Variants in THSD1 observed in about 807,000 individuals in gnomAD.
THSD1 encodes the protein thrombospondin type-1 domain-containing protein 1.
A neutral mutation model predicts 46.3 loss-of-function variants in THSD1; 34 were observed. That is an observed-to-expected ratio of 0.74 (90% confidence interval 0.56 to 0.98). The LOEUF (loss-of-function observed/expected upper bound fraction) is 0.98. Ranked by LOEUF, THSD1 falls within the 50% of genes least tolerant of loss-of-function variation. THSD1 has a pLI of 0.00. For missense variants in THSD1, 1,023 were observed against 1,058.3 expected (o/e 0.97, Z 0.46); for synonymous variants, 407 against 416.5 (o/e 0.98, Z 0.28).
intron 3 of THSD1, among the ~76,000 whole-genome samples, chr13:52,390,741 A>G (rs544261874): frequency 2.2e-4 from 33 of 152,324 alleles, no homozygotes; most frequent in African/African-American, 7.2e-4. Flanking sequence ...AAGTCAATAT[A>G]TAGTTTATCC....
chr13:52,387,295 A>G lies in THSD1; in HGVS notation c.1022-1109T>C, dbSNP rs185183668. 7.0e-3 allele frequency among the ~76,000 whole-genome samples: 1,069 copies of G among 152,338 alleles called. 5 individuals carry two copies. Among genetic ancestry groups the G allele is most frequent in the Non-Finnish European group, 0.011 (743 of 68,020 alleles). On this transcript the variant is annotated intron_variant, in intron 3 of 4. Transcript: ENST00000258613. ...CCATAACAATGGTAAAAACCCAAAC[A>G]TAGCTCAATTCTTTACTATATTAAC...
Position 52,378,183 on chromosome 13 carries a change from G to T in THSD1, c.1787C>A (p.Ala596Glu), listed in dbSNP as rs143493268. The change falls in exon 5 of 5, where the codon GCG becomes GAG. Residue 596 changes from alanine (A) to glutamate (E), a missense_variant. Transcript: ENST00000258613. ...RIKSPFPEQP[A>E]VSAGERPPSR... ...GGGAGGCCTTTCCCCGGCACTGACC[G>T]CGGGCTGCTCCGGAAATGGGGATTT... 4.3e-6 allele frequency: 7 copies of T among 1,614,078 alleles called. No individual in the cohort carries two copies. Among genetic ancestry groups the T allele is most frequent in the Middle Eastern group, 1.6e-4 (1 of 6,084 alleles).
In THSD1 at chr13:52,397,798, C is replaced by G; in HGVS notation, c.455G>C (p.Ser152Thr). ...EGTFQVGLFT[S>T]QPLCPFPVDK... ...CACAGGAAACGGGCACAGTGGTTGACTGGTAAATAGGCCCACTTGGAAGGT... is the reference window on the plus strand; with the variant it reads ...CACAGGAAACGGGCACAGTGGTTGAGTGGTAAATAGGCCCACTTGGAAGGT... The change falls in exon 3 of 5, where the codon AGT becomes ACT. Residue 152 changes from serine (S) to threonine (T), a missense_variant. Ser to Thr is a moderately conservative substitution (Grantham distance 58). Coordinates refer to ENST00000258613, the MANE Select transcript of THSD1 (RefSeq NM_018676.4). 1 of 1,614,236 alleles carries G rather than the reference C, an allele frequency of 6.2e-7. No homozygotes were observed. Among genetic ancestry groups the G allele is most frequent in the Non-Finnish European group, 8.5e-7 (1 of 1,180,048 alleles).
chr13:52,394,341 C>G (rs543932343), intron 3 of THSD1, among the ~76,000 whole-genome samples: 1 of 152,084 alleles, frequency 6.6e-6, no homozygotes. Context: ...GGGCCAGGCA[C>G]GGTGGCTCAT....
intron 4 of THSD1, among the ~76,000 whole-genome samples, chr13:52,385,262 T>C (rs867286282): frequency 7.9e-5 from 12 of 152,162 alleles, no homozygotes; most frequent in Non-Finnish European, 1.3e-4. Flanking sequence ...GAGCAGAGGC[T>C]GGCAAAGTAA....
chr13:52,393,298 T>C (rs1409825225), intron 3 of THSD1, among the ~76,000 whole-genome samples: 2 of 152,244 alleles, frequency 1.3e-5, no homozygotes, highest in African/African-American at 4.8e-5. Context: ...TGCAAAGTAA[T>C]CACTGTGTAA....
intron 4 of THSD1, among the ~76,000 whole-genome samples, chr13:52,383,599 TC>T (rs2137727553): frequency 6.6e-6 from 1 of 152,312 alleles, no homozygotes; most frequent in South Asian, 2.1e-4. Context: ...CTGGCTGGCT[TC>T]CTTTAAAATC....
At chr13:52,395,079 G>C (rs1041774293) in intron 3 of THSD1, among the ~76,000 whole-genome samples, 5 of 152,156 alleles carry the variant, frequency 3.3e-5, no homozygotes, top group African/African-American at 1.2e-4. Flanking sequence ...GCAGGGATGT[G>C]GGGGCAGCCT....
chr13:52,403,563 G>A (rs969840458), intron 1 of THSD1, among the ~76,000 whole-genome samples: 29 of 152,150 alleles, frequency 1.9e-4, no homozygotes, highest in African/African-American at 6.7e-4. Flanking sequence ...CTCACTGCAA[G>A]CTCCGCTTCC....
At chr13:52,385,199 A>G (rs1297166866) in intron 4 of THSD1, among the ~76,000 whole-genome samples, 1 of 152,178 alleles carries the variant, frequency 6.6e-6, no homozygotes, top group Non-Finnish European at 1.5e-5. Flanking sequence ...TGGAGAGTAC[A>G]ATGACAAGAT....
rs1566076442 is a variant in THSD1, at chr13:52,402,606, TTG to T, written c.-8_-7del. On this transcript the variant is annotated 5_prime_UTR_variant, in exon 2 of 5. Coordinates refer to ENST00000258613, the MANE Select transcript of THSD1 (RefSeq NM_018676.4). The stretch of plus-strand genomic sequence containing the variant: ...TCTTTCAACATTGGTTTCATTCTGA[TTG>T]ACAAAATCCCAGGTCTTTAGTCTCC... 1 of 1,613,996 alleles carries T rather than the reference TTG, an allele frequency of 6.2e-7. No homozygotes were observed. The highest frequency in any genetic ancestry group is 1.7e-4 in the Middle Eastern group (1 of 6,060).
chr13:52,397,848 A>T lies in THSD1; in HGVS notation c.405T>A (p.Asn135Lys). 1 of 1,614,232 alleles carries T rather than the reference A, an allele frequency of 6.2e-7. No homozygotes were observed. Among genetic ancestry groups the T allele is most frequent in the Non-Finnish European group, 8.5e-7 (1 of 1,180,042 alleles). The change falls in exon 3 of 5, where the codon AAT becomes AAA. Residue 135 changes from asparagine to lysine, a missense_variant. Around this residue, in one of 3 missense-constraint regions of THSD1, gnomAD observed 429 missense variants for 518.3 expected, o/e 0.83. Coordinates refer to ENST00000258613, the MANE Select transcript of THSD1 (RefSeq NM_018676.4). ...TGCCTTCTGCTGCCTTGGCACTCCT[A>T]TTCAAGTCAACGTGAAAGACAGGCC... ...VEWPVFHVDL[N>K]RSAKAAEGTF... is the part of the protein sequence containing the mutation.
rs75031656 is a variant in THSD1, at chr13:52,378,256, A to G, written c.1714T>C (p.Leu572=). The G allele has an allele frequency of 2.4e-3, 3,830 of 1,614,176 alleles. 95 individuals are homozygous for G. In the African/African-American group the frequency reaches 0.046, roughly 19 times the overall value. The change falls in exon 5 of 5, where the codon TTA becomes CTA. Residue 572 remains leucine, a synonymous_variant. Transcript: ENST00000258613. ...GCTTCTTCCGGGCTTTCCAAATCTA[A>G]GGGAGCGCTGGGGGCCGCATCAATG... The part of the protein sequence containing the change: ...TAIDAAPSAP[L]DLESPEEAAA...
chr13:52,395,875 C>T (rs1169560395), intron 3 of THSD1, among the ~76,000 whole-genome samples: 4 of 152,284 alleles, frequency 2.6e-5, no homozygotes, highest in East Asian at 1.9e-4. Context: ...GATCCACCCA[C>T]GGTGGCATCA....
intron 3 of THSD1, 96 bp downstream of exon 3, chr13:52,397,136 T>C (rs2137744079): frequency 9.0e-7 from 1 of 1,106,806 alleles, no homozygotes; most frequent in East Asian, 2.4e-5. Flanking sequence ...ACCATAAAAA[T>C]GATGGTACAA....
intron 2 of THSD1, among the ~76,000 whole-genome samples, chr13:52,401,347 T>G (rs541528656): frequency 6.6e-6 from 1 of 151,954 alleles, no homozygotes; most frequent in South Asian, 2.1e-4. Context: ...TCACCCAGGC[T>G]AGAGTGCAGT....
chr13:52,394,609 C>T (rs140710474), intron 3 of THSD1, among the ~76,000 whole-genome samples: 1,784 of 148,956 alleles, frequency 0.012, 42 homozygotes, highest in African/African-American at 0.042. Flanking sequence ...GCAAGACTGT[C>T]CCAGAAAAAA....
In THSD1 at chr13:52,377,564, G is replaced by C; in HGVS notation, c.2406C>G (p.Ser802Arg). 6.2e-7 allele frequency: 1 copy of C among 1,601,512 alleles called. No individual in the cohort carries two copies. Among genetic ancestry groups the C allele is most frequent in the Non-Finnish European group, 8.5e-7 (1 of 1,170,584 alleles). Residue 802 changes from serine to arginine, a missense_variant, in exon 5 of 5, where the codon AGC becomes AGG. Physicochemically the swap from Ser to Arg is moderately radical, Grantham distance 110. Transcript: ENST00000258613. ...AGGCAAACTCAGGGTGAGTGGGGAA[G>C]CTTTGACACTTGTCTTTTCTACACT... ...PSQCRKDKCQ[S>R]FPTHPEFAFY...
chr13:52,389,223 A>G (rs1475018213), intron 3 of THSD1, among the ~76,000 whole-genome samples: 4 of 152,216 alleles, frequency 2.6e-5, no homozygotes, highest in Non-Finnish European at 5.9e-5. Flanking sequence ...TCGGCCTCCC[A>G]AAATGCTGGG....
Sources: allele counts gnomAD v4.1 joint callset (sites outside exome capture counted in the v4.1 genomes callset), GRCh38; gene constraint gnomAD v4.1.1; regional missense constraint gnomAD v4.1.1; transcripts MANE v1.5; gene names NCBI Gene and HGNC (gene_info 2026-07-23, HGNC 2026-07-21).